TNR: variants seen among roughly 807,000 people sequenced by gnomAD.
TNR encodes the protein tenascin-R.
A neutral mutation model predicts 150.4 loss-of-function variants in TNR; 45 were observed. That is an observed-to-expected ratio of 0.30 (90% CI 0.24 to 0.38). The LOEUF is 0.38. Ranked by LOEUF, TNR falls within the 10% of genes least tolerant of loss-of-function variation. TNR has a pLI of 1.00. For synonymous variants in TNR, 687 were observed against 678.4 expected, an observed-to-expected ratio of 1.01 and a Z score of -0.20; for missense variants, 1,544 against 1,759.1, an observed-to-expected ratio of 0.88 and a Z score of 2.19.
intron 4 of TNR, among the ~76,000 whole-genome samples, chr1:175,397,885 A>G (rs1557907514): frequency 6.6e-6 from 1 of 152,254 alleles, no homozygotes; most frequent in Non-Finnish European, 1.5e-5. Flanking sequence ...AAGACTAACT[A>G]AGAGGCTAAC....
chr1:175,475,045 T>A (rs1291259213), intron 2 of TNR, among the ~76,000 whole-genome samples: 1 of 152,194 alleles, frequency 6.6e-6, no homozygotes, highest in Non-Finnish European at 1.5e-5. Context: ...GAAGAGGAAG[T>A]CTATAGCAAC....
Position 175,681,514 on chromosome 1 carries a change from G to A in TNR, c.-165+61712C>T, listed in dbSNP as rs563494789. Among the ~76,000 whole-genome samples, 5 of 152,298 alleles carry A rather than the reference G, an allele frequency of 3.3e-5. 1 individual carries two copies. Among genetic ancestry groups the A allele is most frequent in the African/African-American group, 1.2e-4 (5 of 41,564 alleles). ...GGGAGGTGCTGCGACTTGCCCCATTGATCCTTCCATAAAGCCCAGGAAGAG... is the reference window on the plus strand; with the variant it reads ...GGGAGGTGCTGCGACTTGCCCCATTAATCCTTCCATAAAGCCCAGGAAGAG... On this transcript the variant is annotated intron_variant, in intron 1 of 22. Coordinates refer to ENST00000367674, the MANE Select transcript of TNR (RefSeq NM_003285.3).
chr1:175,607,570 A>G (rs1350893189), intron 1 of TNR, among the ~76,000 whole-genome samples: 2 of 152,194 alleles, frequency 1.3e-5, no homozygotes, highest in South Asian at 2.1e-4. Context: ...GTAAGACCAT[A>G]TGCTTGCTCT....
At chr1:175,410,652 T>C (rs1654172855) in intron 2 of TNR, among the ~76,000 whole-genome samples, 1 of 152,208 alleles carries the variant, frequency 6.6e-6, no homozygotes, top group Admixed American at 6.5e-5. Context: ...GGCTGATGAA[T>C]TGTGAGAGGA....
chr1:175,511,915 T>C (rs1659193696), intron 2 of TNR, among the ~76,000 whole-genome samples: 1 of 152,220 alleles, frequency 6.6e-6, no homozygotes, highest in East Asian at 1.9e-4. Context: ...ACATTACTTT[T>C]TGAAGAACAA....
chr1:175,667,401 G>A (rs1483442024), intron 1 of TNR, among the ~76,000 whole-genome samples: 1 of 152,186 alleles, frequency 6.6e-6, no homozygotes, highest in Non-Finnish European at 1.5e-5. Context: ...AAAATAAAGA[G>A]GCAGGAAGTG....
chr1:175,440,809 A>G (rs1043484658), intron 2 of TNR, among the ~76,000 whole-genome samples: 2 of 152,198 alleles, frequency 1.3e-5, no homozygotes, highest in African/African-American at 4.8e-5. Context: ...AAAATGTGGA[A>G]GTCATAAATG....
chr1:175,555,515 G>GGAAAAA (rs771916145), intron 1 of TNR, among the ~76,000 whole-genome samples: 2,546 of 127,762 alleles, frequency 0.02, 30 homozygotes, highest in South Asian at 0.053. Flanking sequence ...ACAACTGAGA[G>GGAAAAA]AAAAAAAAAA....
At position 175,540,574 on chromosome 1, in the gene TNR, T is replaced by C. The variant is rs769276516; in HGVS notation, c.-164-12205A>G. Among the ~76,000 whole-genome samples the C allele has an allele frequency of 3.3e-5, 5 of 152,190 alleles. No individual in the cohort carries two copies. The South Asian group carries it at 1.0e-3, about 32-fold the overall frequency. On this transcript the variant is annotated intron_variant, in intron 1 of 22. Transcript: ENST00000367674. ...TGGCCTACAGCTAGATGGTTTGGTTTCTTTGGGAGCAGACAAGTACCCCAG... is the reference window on the plus strand; with the variant it reads ...TGGCCTACAGCTAGATGGTTTGGTTCCTTTGGGAGCAGACAAGTACCCCAG...
intron 1 of TNR, among the ~76,000 whole-genome samples, chr1:175,688,030 G>T (rs749381963): frequency 6.6e-6 from 1 of 152,238 alleles, no homozygotes; most frequent in African/African-American, 2.4e-5. Flanking sequence ...GGGTCAGAGC[G>T]CTGTACTCCC....
chr1:175,725,738 T>C (rs1028352804), intron 1 of TNR, among the ~76,000 whole-genome samples: 8 of 152,206 alleles, frequency 5.3e-5, no homozygotes, highest in Non-Finnish European at 1.2e-4. Flanking sequence ...AATGTCCTGA[T>C]GTAAGAGATA....
At chr1:175,527,112 C>A (rs1659877093) in intron 2 of TNR, among the ~76,000 whole-genome samples, 1 of 152,220 alleles carries the variant, frequency 6.6e-6, no homozygotes, top group African/African-American at 2.4e-5. Context: ...TCGCGACAGG[C>A]AACCTTAGCC....
intron 1 of TNR, among the ~76,000 whole-genome samples, chr1:175,598,215 C>T (rs1432087225): frequency 1.3e-5 from 2 of 152,186 alleles, no homozygotes; most frequent in African/African-American, 2.4e-5. Context: ...TAAAGATCAC[C>T]ATGCAAATGC....
intron 18 of TNR, among the ~76,000 whole-genome samples, chr1:175,341,033 T>G (rs144193990): frequency 2.4e-4 from 36 of 152,346 alleles, no homozygotes; most frequent in African/African-American, 8.7e-4. Flanking sequence ...TTTATTGTTT[T>G]GTTCTGCTTT....
intron 2 of TNR, among the ~76,000 whole-genome samples, chr1:175,523,939 G>T (rs909215197): frequency 9.2e-5 from 14 of 152,066 alleles, no homozygotes; most frequent in African/African-American, 3.4e-4. Context: ...AGGCTGCTTT[G>T]GTCCCATGAT....
intron 1 of TNR, among the ~76,000 whole-genome samples, chr1:175,655,445 G>GT (rs1453976450): frequency 6.6e-6 from 1 of 152,212 alleles, no homozygotes; most frequent in African/African-American, 2.4e-5. Flanking sequence ...CAGAGAGGCT[G>GT]TATACTGTCA....
intron 2 of TNR, among the ~76,000 whole-genome samples, chr1:175,475,922 C>A (rs983806785): frequency 6.6e-6 from 1 of 152,282 alleles, no homozygotes; most frequent in Middle Eastern, 3.4e-3. Context: ...AACCTTCAAT[C>A]GTCCTATAAT....
rs547613574 is a variant in TNR at position 175,657,543 on chromosome 1, G to A, written c.-165+85683C>T. The stretch of plus-strand genomic sequence containing the variant: ...CCCAAATGTCCAACAATGATAGACC[G>A]GATTAAGAAAATGTGGCACATATAC... On this transcript the variant is annotated intron_variant, in intron 1 of 22. Transcript: ENST00000367674. 3.3e-3 allele frequency among the ~76,000 whole-genome samples: 502 copies of A among 152,014 alleles called. 4 individuals carry two copies. Among genetic ancestry groups the A allele is most frequent in the Middle Eastern group, 3.4e-3 (1 of 294 alleles).
intron 2 of TNR, among the ~76,000 whole-genome samples, chr1:175,499,554 C>T (rs531450528): frequency 6.6e-6 from 1 of 152,356 alleles, no homozygotes; most frequent in Non-Finnish European, 1.5e-5. Context: ...TCAGACTCTG[C>T]ACCCTAGCTT....
Sources: gnomAD v4.1 joint callset for allele counts (sites outside exome capture counted in the v4.1 genomes callset) on GRCh38, gnomAD v4.1.1 for gene constraint, MANE v1.5 for transcripts, NCBI Gene and HGNC (gene_info 2026-07-23, HGNC 2026-07-21) for gene names.